Variants in PTPRD observed in about 807,000 individuals in gnomAD.
PTPRD encodes the protein protein tyrosine phosphatase receptor type D.
A neutral mutation model predicts 214.5 loss-of-function variants in PTPRD; 34 were observed. That is an observed-to-expected ratio of 0.16 (90% confidence interval 0.12 to 0.21). The LOEUF (loss-of-function observed/expected upper bound fraction) is 0.21, where lower values mean the gene tolerates loss of function less well. Among genes scored for constraint, PTPRD ranks in the 10% least tolerant of loss-of-function variants. The probability of loss-of-function intolerance (pLI) is 1.00; values close to 1 mark genes in which losing one functional copy is unlikely to be tolerated. For missense variants in PTPRD, 2,545 were observed against 2,398.7 expected, an observed-to-expected ratio of 1.06 and a Z score of -1.27; for synonymous variants, 1,128 against 845.7, an observed-to-expected ratio of 1.33 and a Z score of -5.79.
chr9:8,876,224 G>GTGTTGTTGT (rs5896271), intron 11 of PTPRD, among the ~76,000 whole-genome samples: 87,501 of 150,962 alleles, frequency 0.58, 25,920 homozygotes, highest in South Asian at 0.65. Context: ...ATGTGTGTGT[G>GTGTTGTTGT]TGTTGTTGTT....
intron 11 of PTPRD, among the ~76,000 whole-genome samples, chr9:8,880,221 A>G (rs994233637): frequency 2.0e-5 from 3 of 152,184 alleles, no homozygotes; most frequent in Admixed American, 6.5e-5. Context: ...ATTTGATATA[A>G]GCTGGGAGGG....
intron 11 of PTPRD, among the ~76,000 whole-genome samples, chr9:8,932,353 G>C (rs1056488059): frequency 6.6e-6 from 1 of 152,148 alleles, no homozygotes; most frequent in Non-Finnish European, 1.5e-5. Context: ...ATTCTGGTAC[G>C]TTGTGTCTTT....
intron 11 of PTPRD, among the ~76,000 whole-genome samples, chr9:8,877,313 C>G (rs1001185139): frequency 6.6e-6 from 1 of 152,046 alleles, no homozygotes; most frequent in African/African-American, 2.4e-5. Context: ...CATGAATAAC[C>G]CAGGGTAATG....
chr9:9,445,733 G>T (rs957635113), intron 8 of PTPRD, among the ~76,000 whole-genome samples: 4 of 152,092 alleles, frequency 2.6e-5, no homozygotes, highest in Non-Finnish European at 4.4e-5. Context: ...TCCCTCTCCT[G>T]ACACGTGGGA....
At chr9:10,463,173 G>T (rs1324772629) in intron 2 of PTPRD, among the ~76,000 whole-genome samples, 1 of 151,946 alleles carries the variant, frequency 6.6e-6, no homozygotes, top group African/African-American at 2.4e-5. Flanking sequence ...ACCATCATAT[G>T]CTTATATATT....
chr9:8,919,923 T>G (rs77364923), intron 11 of PTPRD, among the ~76,000 whole-genome samples: 3 of 126,006 alleles, frequency 2.4e-5, no homozygotes, highest in Admixed American at 8.1e-5. Flanking sequence ...AGTGGATGCA[T>G]GTGCATGCAT....
intron 11 of PTPRD, among the ~76,000 whole-genome samples, chr9:8,865,897 G>A (rs546775258): frequency 4.0e-4 from 61 of 152,246 alleles, no homozygotes; most frequent in African/African-American, 1.3e-3. Context: ...GGATGGATTC[G>A]TAGTTCCACG....
intron 5 of PTPRD, among the ~76,000 whole-genome samples, chr9:9,801,517 G>A (rs1214432602): frequency 2.0e-5 from 3 of 151,954 alleles, no homozygotes; most frequent in African/African-American, 7.2e-5. Flanking sequence ...TAAATAATCT[G>A]TACAAAGGCA....
intron 14 of PTPRD, among the ~76,000 whole-genome samples, chr9:8,585,247 G>C (rs533512229): frequency 6.6e-6 from 1 of 152,130 alleles, no homozygotes; most frequent in South Asian, 2.1e-4. Context: ...GAGAAAAAGG[G>C]GAAGAGTAGA....
At chr9:10,202,671 G>GAGAT (rs376695815) in intron 3 of PTPRD, among the ~76,000 whole-genome samples, 55 of 113,110 alleles carry the variant, frequency 4.9e-4, no homozygotes, top group African/African-American at 1.9e-3. Context: ...AAATTATATG[G>GAGAT]ATATATATAT....
chr9:10,160,344 G>T (rs1288928735), intron 3 of PTPRD, among the ~76,000 whole-genome samples: 1 of 151,970 alleles, frequency 6.6e-6, no homozygotes, highest in East Asian at 1.9e-4. Flanking sequence ...TAATGAGATT[G>T]AAGTCATAAC....
In PTPRD at chr9:10,512,158, T is replaced by C. The variant is rs903722480; in HGVS notation, c.-600+100240A>G. ...TATAGATGGCATGGTAATAAGAAGA[T>C]AGGCTGTTAGATGTAGTTACAAAAA... On this transcript the variant is annotated intron_variant, in intron 2 of 45. Coordinates refer to ENST00000381196, the MANE Select transcript of PTPRD (RefSeq NM_002839.4). Among the ~76,000 whole-genome samples, 50 of 131,122 alleles carry C rather than the reference T, an allele frequency of 3.8e-4. 1 individual carries two copies. Among genetic ancestry groups the C allele is most frequent in the Non-Finnish European group, 1.6e-4 (10 of 62,904 alleles). 86.0% of individuals were successfully genotyped at this position (131,122 alleles called of 152,430 possible).
At chr9:9,781,380 T>C (rs1488921048) in intron 5 of PTPRD, among the ~76,000 whole-genome samples, 1 of 152,110 alleles carries the variant, frequency 6.6e-6, no homozygotes, top group East Asian at 1.9e-4. Flanking sequence ...TTTATAAACA[T>C]TCGATAAAAA....
intron 10 of PTPRD, among the ~76,000 whole-genome samples, chr9:9,152,415 T>C (rs1033393511): frequency 2.0e-5 from 3 of 152,218 alleles, no homozygotes; most frequent in Admixed American, 2.0e-4. Context: ...TTGAACACTT[T>C]CACTCCTTGA....
chr9:9,739,028 T>C (rs2098352740), intron 6 of PTPRD, among the ~76,000 whole-genome samples: 1 of 152,228 alleles, frequency 6.6e-6, no homozygotes, highest in Non-Finnish European at 1.5e-5. Context: ...TAAAAAATCA[T>C]ATATTAAAAT....
chr9:8,500,642 A>C, intron 24 of PTPRD, 112 bp downstream of exon 24: 2 of 1,026,026 alleles, frequency 1.9e-6, no homozygotes, highest in Non-Finnish European at 2.8e-6. Context: ...AAGTAACAGC[A>C]ATGCTGGGTA....
At chr9:8,500,558 GAAAAAAAAAAAAAAAAAAA>G (rs146807692) in intron 24 of PTPRD, among the ~76,000 whole-genome samples, 177 bp downstream of exon 24, 3 of 14,310 alleles carry the variant, frequency 2.1e-4, no homozygotes, top group Non-Finnish European at 3.4e-4. Flanking sequence ...TGAAAAAAAT[GAAAAAAAAAAAAAAAAAAA>G]AAAAAAAAAA....
chr9:9,776,501 C>G (rs1221928546), intron 5 of PTPRD, among the ~76,000 whole-genome samples: 1 of 152,096 alleles, frequency 6.6e-6, no homozygotes, highest in Non-Finnish European at 1.5e-5. Flanking sequence ...TGGCACACAA[C>G]AGACACTGAG....
At chr9:10,380,395 C>CA (rs1287118960) in intron 2 of PTPRD, among the ~76,000 whole-genome samples, 5 of 151,948 alleles carry the variant, frequency 3.3e-5, no homozygotes. Context: ...TGGTTTTGAA[C>CA]ATGATTTTCA....
Sources: allele counts gnomAD v4.1 joint callset (sites outside exome capture counted in the v4.1 genomes callset), GRCh38; gene constraint gnomAD v4.1.1; transcripts MANE v1.5; gene names NCBI Gene and HGNC (gene_info 2026-07-23, HGNC 2026-07-21).